THAP12: variants seen among roughly 807,000 people sequenced by gnomAD.
THAP12 encodes the protein 52 kDa repressor of the inhibitor of the protein kinase.
A neutral mutation model predicts 63.0 loss-of-function variants in THAP12; 20 were observed. The ratio of observed to expected loss-of-function variants is 0.32; its 90% CI spans 0.22 to 0.46. The LOEUF is 0.46. Among genes scored for constraint, THAP12 ranks in the 20% least tolerant of loss-of-function variants. The pLI is 1.00. For missense variants in THAP12, 568 were observed against 908.2 expected (o/e 0.63, Z 4.81); for synonymous variants, 264 against 328.4 (o/e 0.80, Z 2.12).
At chr11:76,372,205 A>C (rs2851157) in intron 1 of THAP12, among the ~76,000 whole-genome samples, 144,570 of 152,176 alleles carry the variant, frequency 0.95, 68,709 homozygotes, top group African/African-American at 0.98. Context: ...CCTCCCGCCT[A>C]AACCTCACAA....
In THAP12 at chr11:76,352,827, C is replaced by T. The variant is rs141833536; in HGVS notation, c.356-33G>A. ...ACAAAGAATTAATTTTACAAACAGG[C>T]TCATGAAAAACCATACACAACAAAA... On this transcript the variant is annotated intron_variant, in intron 4 of 4. Coordinates refer to ENST00000260045, the MANE Select transcript of THAP12 (RefSeq NM_004705.4). 162 of 1,501,964 alleles carry T rather than the reference C, an allele frequency of 1.1e-4. No homozygotes were observed. In the East Asian group the frequency reaches 3.7e-3, roughly 34 times the overall value. 93.0% of individuals were successfully genotyped at this position (1,501,964 alleles called of 1,614,324 possible).
intron 1 of THAP12, among the ~76,000 whole-genome samples, chr11:76,373,181 AC>A (rs1301430108): frequency 6.6e-6 from 1 of 151,794 alleles, no homozygotes. Flanking sequence ...CCCTGTCTCT[AC>A]AAAAAATATA....
Position 76,365,891 on chromosome 11 carries a change from T to C in THAP12, c.171A>G (p.Leu57=). ...TPDQLNKHYR[L]CAKHFETSMI... ...TAGAGGTCTCAAAATGTTTGGCACA[T>C]AATCGATAATGTTTATTTAGCTGAT... is the stretch of plus-strand genomic sequence containing the variant. The change falls in exon 2 of 5, where the codon TTA becomes TTG. Residue 57 remains leucine (L), a synonymous_variant. Transcript: ENST00000260045. 6.2e-7 allele frequency: 1 copy of C among 1,613,430 alleles called. No individual in the cohort carries two copies. The highest frequency in any genetic ancestry group is 8.5e-7 in the Non-Finnish European group (1 of 1,179,528).
intron 3 of THAP12, chr11:76,358,551 T>C (rs1232558670): frequency 6.6e-6 from 1 of 152,138 alleles, no homozygotes; most frequent in East Asian, 1.9e-4. Flanking sequence ...ACTATTGTAA[T>C]CCCAGCACTT....
At position 76,375,390 on chromosome 11, in the gene THAP12, C is replaced by CTT. The variant is rs533659659; in HGVS notation, c.89+5356_89+5357dup. On this transcript the variant is annotated intron_variant, in intron 1 of 4. Coordinates refer to ENST00000260045, the MANE Select transcript of THAP12 (RefSeq NM_004705.4). ...CACCCTGGGGCAATCAAGACTTAGG[C>CTT]TTTTTTTTTTTTTTTTTACTTAAAC... Among the ~76,000 whole-genome samples the CTT allele has an allele frequency of 7.6e-3, 1,005 of 132,908 alleles. 11 individuals carry two copies. The highest frequency in any genetic ancestry group is 0.026 in the African/African-American group (958 of 36,388). The allele number at this position is 132,908 out of a possible 152,430, so 87.2% of individuals were successfully genotyped here.
At chr11:76,363,942 G>A (rs768590712) in intron 2 of THAP12, among the ~76,000 whole-genome samples, 1 of 152,058 alleles carries the variant, frequency 6.6e-6, no homozygotes, top group Non-Finnish European at 1.5e-5. Context: ...TCTCCTAGAC[G>A]TATAGAAAGA....
Position 76,367,965 on chromosome 11 carries a change from TAC to T in THAP12, c.90-1995_90-1994del, listed in dbSNP as rs150085330. ...GATGTTCACAATTTAATCACACTTT[TAC>T]ACAGTTGTACATTATGATTATAAAC... On this transcript the variant is annotated intron_variant, in intron 1 of 4. Transcript: ENST00000260045. Among the ~76,000 whole-genome samples, 1,130 of 152,342 alleles carry T rather than the reference TAC, an allele frequency of 7.4e-3. 14 individuals are homozygous for T. Among genetic ancestry groups the T allele is most frequent in the African/African-American group, 0.026 (1,092 of 41,554 alleles).
Position 76,352,530 on chromosome 11 carries a change from C to T in THAP12, c.620G>A (p.Cys207Tyr). ...AACCTCTTCACCAGAATTTATCCGACACTCCAGCAGTGCCTGAAAGTTATC... is the reference window on the plus strand; with the variant it reads ...AACCTCTTCACCAGAATTTATCCGATACTCCAGCAGTGCCTGAAAGTTATC... ...TPDNFQALLE[C>Y]RINSGEEVLR... Residue 207 changes from cysteine to tyrosine, a missense_variant, in exon 5 of 5, where the codon TGT (cysteine) becomes TAT (tyrosine). Coordinates refer to ENST00000260045, the MANE Select transcript of THAP12 (RefSeq NM_004705.4). 6.2e-7 allele frequency: 1 copy of T among 1,612,058 alleles called. No individual in the cohort carries two copies. The highest frequency in any genetic ancestry group is 8.5e-7 in the Non-Finnish European group (1 of 1,179,854).
Position 76,352,747 on chromosome 11 carries a change from T to C in THAP12, c.403A>G (p.Ser135Gly). 3 of 1,554,620 alleles carry C rather than the reference T, an allele frequency of 1.9e-6. No individual in the cohort carries two copies. In the South Asian group the frequency reaches 3.7e-5, roughly 19 times the overall value. The stretch of plus-strand genomic sequence containing the variant: ...TCTTCGCTGGGGTTCTGAGCATTGC[T>C]ATTGTTGGTTTCTTTATGTTTTTGT... ...QEQKHKETNNSNAQNPSEEEG... is the reference protein window; with the variant it reads ...QEQKHKETNNGNAQNPSEEEG... The change falls in exon 5 of 5, where the codon AGC (serine) becomes GGC (glycine). Residue 135 changes from serine to glycine, a missense_variant. By Grantham distance (56) the Ser-to-Gly change is moderately conservative. Coordinates refer to ENST00000260045, the MANE Select transcript of THAP12 (RefSeq NM_004705.4).
chr11:76,367,179 C>A (rs1022854111), intron 1 of THAP12, among the ~76,000 whole-genome samples: 3 of 151,826 alleles, frequency 2.0e-5, no homozygotes, highest in South Asian at 2.1e-4. Context: ...CGGGTTCAAG[C>A]GATTCTCCTG....
At chr11:76,366,637 C>A (rs544738940) in intron 1 of THAP12, among the ~76,000 whole-genome samples, 1 of 151,360 alleles carries the variant, frequency 6.6e-6, no homozygotes, top group Non-Finnish European at 1.5e-5. Context: ...GCCGAGATTG[C>A]GCCACTGCAC....
intron 3 of THAP12, among the ~76,000 whole-genome samples, chr11:76,359,784 G>A (rs556816865): frequency 6.6e-6 from 1 of 151,588 alleles, no homozygotes; most frequent in East Asian, 1.9e-4. Context: ...CCAAGATCAT[G>A]CCACTGCACT....
At chr11:76,371,277 C>CT (rs1232147586) in intron 1 of THAP12, among the ~76,000 whole-genome samples, 2 of 152,202 alleles carry the variant, frequency 1.3e-5, no homozygotes. Flanking sequence ...GTGTTCACTT[C>CT]TATCCTGGGG....
At chr11:76,360,931 G>C in intron 3 of THAP12, 25 bp downstream of exon 3, 1 of 1,479,436 alleles carries the variant, frequency 6.8e-7, no homozygotes, top group East Asian at 2.3e-5. Flanking sequence ...GGGAAGGTGG[G>C]AAAGCTGAAA....
At chr11:76,376,431 G>A (rs1384526099) in intron 1 of THAP12, among the ~76,000 whole-genome samples, 2 of 152,164 alleles carry the variant, frequency 1.3e-5, no homozygotes, top group African/African-American at 4.8e-5. Context: ...GGAGGCAGAT[G>A]TCCACTCAAT....
intron 4 of THAP12, among the ~76,000 whole-genome samples, chr11:76,355,298 A>G (rs1946553686): frequency 6.6e-6 from 1 of 152,260 alleles, no homozygotes. Flanking sequence ...AAAGAGATTC[A>G]GTGCATGCCT....
chr11:76,363,073 G>A (rs1305535606), intron 2 of THAP12, among the ~76,000 whole-genome samples: 1 of 152,162 alleles, frequency 6.6e-6, no homozygotes, highest in East Asian at 1.9e-4. Flanking sequence ...AGCCTGGGAG[G>A]TCGGGGCTGC....
chr11:76,374,892 C>CT lies in THAP12; in HGVS notation c.89+5855dup, dbSNP rs145552783. On this transcript the variant is annotated intron_variant, in intron 1 of 4. Transcript: ENST00000260045. ...ATGACTTAGGTCATGACGGGGAAGC[C>CT]TTATTTGCCCCTTCCGCCATGTGAG... Among the ~76,000 whole-genome samples the CT allele has an allele frequency of 7.4e-3, 1,133 of 152,258 alleles. 14 individuals are homozygous for CT. The highest frequency in any genetic ancestry group is 0.026 in the African/African-American group (1,095 of 41,568).
At chr11:76,374,215 C>A (rs2851478) in intron 1 of THAP12, among the ~76,000 whole-genome samples, 145,021 of 152,294 alleles carry the variant, frequency 0.95, 69,104 homozygotes, top group African/African-American at 0.98. Context: ...TGAAATGTGA[C>A]ATCTGAGACC....
Sources: gnomAD v4.1 joint callset for allele counts (sites outside exome capture counted in the v4.1 genomes callset) on GRCh38, gnomAD v4.1.1 for gene constraint, MANE v1.5 for transcripts, NCBI Gene and HGNC (gene_info 2026-07-23, HGNC 2026-07-21) for gene names.